ZNF567: variants seen among roughly 807,000 people sequenced by gnomAD.
The protein encoded by ZNF567 is zinc finger protein 567.
ZNF567 carries 36 observed loss-of-function variants against 53.9 expected under a neutral mutation model. The ratio of observed to expected loss-of-function variants is 0.67; its 90% CI spans 0.51 to 0.88. The LOEUF (loss-of-function observed/expected upper bound fraction) is 0.88, where lower values mean the gene tolerates loss of function less well. ZNF567 is among the 40% of genes least tolerant of loss of function. The pLI is 0.00. For missense variants in ZNF567, 619 were observed against 764.7 expected (o/e 0.81, Z 2.25); for synonymous variants, 224 against 260.4 (o/e 0.86, Z 1.35).
chr19:36,696,194 AAT>A (rs2038876627), intron 3 of ZNF567, among the ~76,000 whole-genome samples: 1 of 152,186 alleles, frequency 6.6e-6, no homozygotes, highest in Non-Finnish European at 1.5e-5. Flanking sequence ...TAACTCCTAA[AAT>A]ATTCTGCTTC....
chr19:36,697,567 T>C (rs2038948027), intron 3 of ZNF567, among the ~76,000 whole-genome samples: 1 of 152,048 alleles, frequency 6.6e-6, no homozygotes, highest in Non-Finnish European at 1.5e-5. Flanking sequence ...AGGCATTGTT[T>C]TTCATTATTA....
At chr19:36,678,759 G>T in the ZNF567 span, among the ~76,000 whole-genome samples, 1 of 151,814 alleles carries the variant, frequency 6.6e-6, no homozygotes, top group African/African-American at 2.4e-5. Flanking sequence ...CAGGAGAATG[G>T]TGTGAACCTG....
chr19:36,693,795 T>TCTG (rs2038739981), intron 2 of ZNF567, among the ~76,000 whole-genome samples: 1 of 152,194 alleles, frequency 6.6e-6, no homozygotes, highest in East Asian at 1.9e-4. Context: ...TTTTGATGAT[T>TCTG]GAAGGAAATA....
chr19:36,700,600 A>C (rs1222640410), intron 3 of ZNF567, among the ~76,000 whole-genome samples: 3 of 151,812 alleles, frequency 2.0e-5, no homozygotes, highest in East Asian at 1.9e-4. Flanking sequence ...ACAATTTCAG[A>C]TCCTGTTATT....
chr19:36,691,442 A>G (rs1378545962), intron 2 of ZNF567, among the ~76,000 whole-genome samples: 1 of 151,622 alleles, frequency 6.6e-6, no homozygotes, highest in Non-Finnish European at 1.5e-5. Flanking sequence ...CTGGGATTAT[A>G]GGTGTGAGCT....
intron 5 of ZNF567, 79 bp downstream of exon 5, chr19:36,712,946 A>T: frequency 3.5e-6 from 4 of 1,139,460 alleles, no homozygotes; most frequent in Non-Finnish European, 5.0e-6. Flanking sequence ...ATACCTTTGA[A>T]ATGTTTCAGG....
chr19:36,706,944 T>C (rs1273402537), intron 3 of ZNF567, among the ~76,000 whole-genome samples: 1 of 152,140 alleles, frequency 6.6e-6, no homozygotes, highest in Non-Finnish European at 1.5e-5. Flanking sequence ...TGTGAGCCAC[T>C]GCACCTTGCC....
chr19:36,690,621 T>C (rs2038551263), intron 2 of ZNF567, among the ~76,000 whole-genome samples: 1 of 152,020 alleles, frequency 6.6e-6, no homozygotes, highest in Non-Finnish European at 1.5e-5. Context: ...ATAAAACTCT[T>C]AGGAAAAAAC....
intron 3 of ZNF567, among the ~76,000 whole-genome samples, chr19:36,696,395 A>C (rs778339641): frequency 6.6e-6 from 1 of 152,064 alleles, no homozygotes; most frequent in Non-Finnish European, 1.5e-5. Flanking sequence ...GTCTTTTTTG[A>C]TGTATTGTCG....
upstream of ZNF567, among the ~76,000 whole-genome samples, chr19:36,685,257 C>T (rs2038243190): frequency 2.0e-5 from 3 of 152,298 alleles, no homozygotes; most frequent in African/African-American, 7.2e-5. Flanking sequence ...CACTGCACTC[C>T]AGCCTGGGCG....
At chr19:36,718,824 T>C in intron 5 of ZNF567, 124 bp from the exon 6 acceptor site, 1 of 710,058 alleles carries the variant, frequency 1.4e-6, no homozygotes, top group African/African-American at 1.8e-5. Context: ...CCCGCACCCC[T>C]GCCAGGCCAG....
In ZNF567 at chr19:36,689,483, C is replaced by A. The variant is rs1214966991; in HGVS notation, c.-81C>A. The A allele has an allele frequency of 6.6e-6, 1 of 152,058 alleles. No homozygotes were observed. The highest frequency in any genetic ancestry group is 1.5e-5 in the Non-Finnish European group (1 of 68,024). 9.4% of individuals were successfully genotyped at this position (152,058 alleles called of 1,614,324 possible). ...CAAGAAGAGGCTAACATGACTGATA[C>A]CACTATAATTTAGTGTAAGTCATCT... On this transcript the variant is annotated 5_prime_UTR_variant, in exon 2 of 6. Transcript: ENST00000682579.
intron 3 of ZNF567, among the ~76,000 whole-genome samples, chr19:36,709,398 T>C (rs982542569): frequency 5.3e-5 from 8 of 152,212 alleles, no homozygotes; most frequent in African/African-American, 1.9e-4. Flanking sequence ...ATATTTATAC[T>C]CTTACAATTT....
intron 1 of ZNF567, among the ~76,000 whole-genome samples, chr19:36,688,992 G>C (rs1600486867): frequency 6.6e-6 from 1 of 152,044 alleles, no homozygotes; most frequent in East Asian, 1.9e-4. Context: ...CCAGCTACTC[G>C]GGAGCTGAGG....
intron 5 of ZNF567, among the ~76,000 whole-genome samples, chr19:36,717,980 G>A (rs2040137572): frequency 6.6e-6 from 1 of 152,134 alleles, no homozygotes. Context: ...TATAGCAATT[G>A]AATATATTCT....
chr19:36,716,357 T>G (rs911560649), intron 5 of ZNF567, among the ~76,000 whole-genome samples: 1 of 152,244 alleles, frequency 6.6e-6, no homozygotes, highest in Non-Finnish European at 1.5e-5. Flanking sequence ...GAAATCTTCC[T>G]TGATTACTGC....
At chr19:36,726,972 CTTTCTTTCTT>C (rs925867606), downstream of ZNF567, 4 of 129,260 alleles carry the variant, frequency 3.1e-5, no homozygotes, top group African/African-American at 9.1e-5. Flanking sequence ...TTCTTTCTTT[CTTTCTTTCTT>C]TTTCTTTCTT....
upstream of ZNF567, among the ~76,000 whole-genome samples, chr19:36,683,461 A>T (rs2145474127): frequency 6.6e-6 from 1 of 152,292 alleles, no homozygotes; most frequent in South Asian, 2.1e-4. Context: ...TGAAGCCCAT[A>T]TTTTATTACA....
At chr19:36,696,748 C>T (rs2038910280) in intron 3 of ZNF567, among the ~76,000 whole-genome samples, 1 of 152,218 alleles carries the variant, frequency 6.6e-6, no homozygotes, top group Non-Finnish European at 1.5e-5. Flanking sequence ...TCCAAGGGCT[C>T]ACCCCAATGC....
Sources: gnomAD v4.1 joint callset for allele counts (sites outside exome capture counted in the v4.1 genomes callset) on GRCh38, gnomAD v4.1.1 for gene constraint, MANE v1.5 for transcripts, NCBI Gene and HGNC (gene_info 2026-07-23, HGNC 2026-07-21) for gene names.